The following SORCS1 variants were observed in gnomAD, a reference collection of about 807,000 sequenced individuals.
SORCS1 encodes VPS10 domain-containing receptor SorCS1.
A neutral mutation model predicts 146.1 loss-of-function variants in SORCS1; 60 were observed. The ratio of observed to expected loss-of-function variants is 0.41; its 90% CI spans 0.33 to 0.51. The LOEUF (loss-of-function observed/expected upper bound fraction) is 0.51, where lower values mean the gene tolerates loss of function less well. Ranked by LOEUF, SORCS1 falls within the 20% of genes least tolerant of loss-of-function variation. The pLI, the probability that SORCS1 is intolerant of heterozygous loss-of-function variation, is 0.21. For synonymous variants in SORCS1, 637 were observed against 584.0 expected, an observed-to-expected ratio of 1.09 and a Z score of -1.31; for missense variants, 1,352 against 1,487.6, an observed-to-expected ratio of 0.91 and a Z score of 1.50.
At chr10:107,164,880 G>A (rs1327284925), upstream of SORCS1, among the ~76,000 whole-genome samples, 5 of 147,562 alleles carry the variant, frequency 3.4e-5, no homozygotes, top group Admixed American at 3.4e-4. The surrounding 1 kb of genome is among the most constrained non-coding windows in gnomAD (Gnocchi z 6.8). Flanking sequence ...CCGGGTCTCC[G>A]GGCGCTGGAG....
At chr10:106,656,307 T>C (rs149288475) in intron 17 of SORCS1, among the ~76,000 whole-genome samples, 36 of 152,118 alleles carry the variant, frequency 2.4e-4, no homozygotes, top group African/African-American at 7.7e-4. Context: ...TCCCAGGACT[T>C]TGGGAGGCCG....
chr10:107,142,385 A>C (rs1967923509), intron 1 of SORCS1, among the ~76,000 whole-genome samples: 2 of 152,294 alleles, frequency 1.3e-5, no homozygotes, highest in African/African-American at 4.8e-5. Context: ...CTAAGTGTTC[A>C]ACTACACTCC....
chr10:106,953,075 G>C (rs1954772161), intron 2 of SORCS1, among the ~76,000 whole-genome samples: 1 of 151,830 alleles, frequency 6.6e-6, no homozygotes. Flanking sequence ...AGTCACACCA[G>C]TATATGACAT....
chr10:106,769,217 G>A (rs1014689371), intron 4 of SORCS1, among the ~76,000 whole-genome samples: 1 of 152,186 alleles, frequency 6.6e-6, no homozygotes, highest in Non-Finnish European at 1.5e-5. Context: ...TGGGAGCGGT[G>A]GCTCACGCTT....
chr10:106,951,590 C>T (rs370330432), intron 2 of SORCS1, among the ~76,000 whole-genome samples: 1 of 151,828 alleles, frequency 6.6e-6, no homozygotes, highest in Non-Finnish European at 1.5e-5. Context: ...ACACCTTCCC[C>T]TCACTGGACC....
At chr10:106,651,220 T>C (rs1272961609) in intron 18 of SORCS1, among the ~76,000 whole-genome samples, 1 of 152,162 alleles carries the variant, frequency 6.6e-6, no homozygotes, top group Non-Finnish European at 1.5e-5. Flanking sequence ...CAGTTATTTT[T>C]CCTATGAGAA....
At chr10:106,653,198 A>G (rs1850010190) in intron 17 of SORCS1, among the ~76,000 whole-genome samples, 2 of 152,316 alleles carry the variant, frequency 1.3e-5, no homozygotes, top group South Asian at 4.1e-4. Context: ...AACAGGGAAA[A>G]TTATTCTACA....
intron 2 of SORCS1, among the ~76,000 whole-genome samples, chr10:106,932,043 G>A (rs1281654281): frequency 4.6e-5 from 7 of 152,110 alleles, no homozygotes; most frequent in African/African-American, 7.2e-5. Context: ...CACAGGGTTT[G>A]GGGACGTTGA....
chr10:106,926,155 A>C (rs1415199451), intron 2 of SORCS1, among the ~76,000 whole-genome samples: 1 of 37,788 alleles, frequency 2.6e-5, no homozygotes, highest in Non-Finnish European at 1.1e-4. Flanking sequence ...TTGTATCCTT[A>C]AGAGTTATGT....
chr10:106,965,274 G>C (rs1955446738), intron 1 of SORCS1, among the ~76,000 whole-genome samples: 1 of 151,904 alleles, frequency 6.6e-6, no homozygotes. Flanking sequence ...TTTCTACCTA[G>C]GGAAGAAACT....
chr10:106,923,162 T>G (rs1952805711), intron 2 of SORCS1, among the ~76,000 whole-genome samples: 1 of 152,224 alleles, frequency 6.6e-6, no homozygotes, highest in Admixed American at 6.5e-5. Flanking sequence ...GTGCTGGGAT[T>G]ACAGGCGTGA....
chr10:106,950,310 C>A (rs1463078138), intron 2 of SORCS1, among the ~76,000 whole-genome samples: 2 of 152,190 alleles, frequency 1.3e-5, no homozygotes, highest in East Asian at 3.8e-4. Flanking sequence ...TTGTTGATAT[C>A]CAGCAAGGCT....
chr10:106,727,354 T>C (rs1856276589), intron 6 of SORCS1, among the ~76,000 whole-genome samples: 1 of 152,210 alleles, frequency 6.6e-6, no homozygotes, highest in South Asian at 2.1e-4. Flanking sequence ...CATAATGTTT[T>C]TGTTTTGACA....
At chr10:107,176,937 T>C in the SORCS1 span, among the ~76,000 whole-genome samples, 1 of 152,126 alleles carries the variant, frequency 6.6e-6, no homozygotes, top group Non-Finnish European at 1.5e-5. Flanking sequence ...AATTTGTACT[T>C]ACTAAGAGAG....
chr10:106,885,357 A>G (rs1377467414), intron 2 of SORCS1, among the ~76,000 whole-genome samples: 2 of 152,218 alleles, frequency 1.3e-5, no homozygotes, highest in Non-Finnish European at 2.9e-5. Context: ...CCTCAGATCA[A>G]ATAGAACTGG....
intron 20 of SORCS1, among the ~76,000 whole-genome samples, chr10:106,618,936 C>T (rs913973170): frequency 1.3e-5 from 2 of 152,096 alleles, no homozygotes; most frequent in Non-Finnish European, 2.9e-5. Context: ...CAATCGACTG[C>T]TAGGGTCCTA....
At chr10:106,880,745 CTT>C (rs113051685) in intron 2 of SORCS1, among the ~76,000 whole-genome samples, 4 of 152,170 alleles carry the variant, frequency 2.6e-5, no homozygotes, top group African/African-American at 9.6e-5. Context: ...CAGTATAACT[CTT>C]TGTGCAAACT....
At chr10:106,675,192 A>C (rs1851931330) in intron 13 of SORCS1, 36 bp from the exon 14 acceptor site, 2 of 1,464,958 alleles carry the variant, frequency 1.4e-6, no homozygotes, top group Non-Finnish European at 1.9e-6. Context: ...TCAGATCTCC[A>C]AAGGAAAAAA....
At chr10:106,586,969 G>A (rs1323421172) in intron 24 of SORCS1, among the ~76,000 whole-genome samples, 2 of 152,206 alleles carry the variant, frequency 1.3e-5, no homozygotes, top group African/African-American at 2.4e-5. Flanking sequence ...CGAAGCCAAC[G>A]AGCAACCTCA....
Sources: allele counts gnomAD v4.1 joint callset (sites outside exome capture counted in the v4.1 genomes callset), GRCh38; gene constraint gnomAD v4.1.1; non-coding constraint Gnocchi (gnomAD v3.1); transcripts MANE v1.5; gene names NCBI Gene and HGNC (gene_info 2026-07-23, HGNC 2026-07-21).